The following KIF1B variants were observed in gnomAD, a reference collection of about 807,000 sequenced individuals.
KIF1B encodes the protein kinesin family member 1B, also known as kinesin-like protein KIF1B.
A neutral mutation model predicts 241.9 loss-of-function variants in KIF1B; 76 were observed. The ratio of observed to expected loss-of-function variants is 0.31; its 90% CI spans 0.26 to 0.38. KIF1B has a LOEUF of 0.38. Ranked by LOEUF, KIF1B falls within the 10% of genes least tolerant of loss-of-function variation. The probability of loss-of-function intolerance (pLI) is 1.00; values close to 1 mark genes in which losing one functional copy is unlikely to be tolerated. For missense variants in KIF1B, 1,622 were observed against 2,271.4 expected, an observed-to-expected ratio of 0.71 and a Z score of 5.81; for synonymous variants, 750 against 796.7, an observed-to-expected ratio of 0.94 and a Z score of 0.99.
intron 15 of KIF1B, among the ~76,000 whole-genome samples, chr1:10,287,303 T>G (rs998479543): frequency 2.6e-5 from 4 of 152,124 alleles, no homozygotes; most frequent in Admixed American, 6.5e-5. Context: ...TTCAAGCGAA[T>G]CTCCTGCTTC....
chr1:10,361,088 A>C, intron 39 of KIF1B, 45 bp downstream of exon 39: 1 of 1,229,324 alleles, frequency 8.1e-7, no homozygotes, highest in Non-Finnish European at 1.2e-6. Flanking sequence ...GTCAGCCCTG[A>C]ACAGTGTGCA....
At chr1:10,319,647 T>G (rs1485837936) in intron 22 of KIF1B, among the ~76,000 whole-genome samples, 3 of 152,204 alleles carry the variant, frequency 2.0e-5, no homozygotes, top group Admixed American at 6.5e-5. Flanking sequence ...GAATTTAATC[T>G]TTTTCAATAT....
rs926463283 is a variant in KIF1B at position 10,306,047 on chromosome 1, C to T, written c.2115+8801C>T. 2.8e-5 allele frequency: 29 copies of T among 1,046,776 alleles called. No homozygotes were observed. In the Middle Eastern group the frequency reaches 1.7e-3, roughly 63 times the overall value. The allele number at this position is 1,046,776 out of a possible 1,614,324, so 64.8% of individuals were successfully genotyped here. A position where few individuals can be genotyped will look rare whatever the true frequency, so the allele number is the denominator to read the frequency against. On this transcript the variant is annotated intron_variant, in intron 22 of 48. Transcript: ENST00000676179. Reference sequence around the variant, plus strand: ...TGTGATTATGTTTTTTTTTCCTTTGCGTGTGGGCACTATGCTTTATTAGAA... The same window carrying T: ...TGTGATTATGTTTTTTTTTCCTTTGTGTGTGGGCACTATGCTTTATTAGAA...
Position 10,377,156 on chromosome 1 carries a change from CTT to C in KIF1B, c.*573_*574del, listed in dbSNP as rs1408423061. 8.3e-6 allele frequency: 2 copies of C among 240,160 alleles called. No individual in the cohort carries two copies. Among genetic ancestry groups the C allele is most frequent in the East Asian group, 1.2e-4 (2 of 16,926 alleles). 14.9% of individuals were successfully genotyped at this position (240,160 alleles called of 1,614,324 possible). A position where few individuals can be genotyped will look rare whatever the true frequency, so the allele number is the denominator to read the frequency against. On this transcript the variant is annotated 3_prime_UTR_variant, in exon 49 of 49. Coordinates refer to ENST00000676179, the MANE Select transcript of KIF1B (RefSeq NM_001365951.3). ...AAGAGTCTTTTTTTCCCCTCTGTCT[CTT>C]TTTGCCATGGCTAATCCCTGCATTT... is the stretch of plus-strand genomic sequence containing the variant.
Position 10,378,213 on chromosome 1 carries a change from A to T in KIF1B, c.*1626A>T. On this transcript the variant is annotated 3_prime_UTR_variant, in exon 49 of 49. Coordinates refer to ENST00000676179, the MANE Select transcript of KIF1B (RefSeq NM_001365951.3). ...CACAATATGCCTAGGGGCACGGATG[A>T]ACGTCCAGGGAGCCCGGGCCCCAGG... 1.5e-6 allele frequency: 1 copy of T among 672,850 alleles called. No individual in the cohort carries two copies. Among genetic ancestry groups the T allele is most frequent in the Non-Finnish European group, 2.7e-6 (1 of 367,448 alleles). 41.7% of individuals were successfully genotyped at this position (672,850 alleles called of 1,614,324 possible).
chr1:10,297,778 A>C (rs558414324), intron 22 of KIF1B, among the ~76,000 whole-genome samples: 2 of 151,682 alleles, frequency 1.3e-5, no homozygotes, highest in East Asian at 3.9e-4. Context: ...TATCCCCTGC[A>C]TGGAGTCTGA....
At chr1:10,227,313 G>A (rs1042356006) in intron 1 of KIF1B, among the ~76,000 whole-genome samples, 6 of 152,084 alleles carry the variant, frequency 3.9e-5, no homozygotes, top group Non-Finnish European at 7.4e-5. Flanking sequence ...GATGACAGGC[G>A]TGAGCCACCG....
intron 23 of KIF1B, among the ~76,000 whole-genome samples, chr1:10,321,218 C>T (rs1180280746): frequency 4.0e-5 from 6 of 151,872 alleles, no homozygotes; most frequent in African/African-American, 1.2e-4. Flanking sequence ...ATTCTCATGC[C>T]TCAGCCTCCT....
intron 38 of KIF1B, among the ~76,000 whole-genome samples, chr1:10,359,338 C>T (rs1392335679): frequency 1.3e-5 from 2 of 152,092 alleles, no homozygotes. Flanking sequence ...GTTCTATCTG[C>T]GGAGAACTAG....
chr1:10,370,890 G>A (rs771156065), intron 44 of KIF1B, among the ~76,000 whole-genome samples: 9 of 152,112 alleles, frequency 5.9e-5, no homozygotes, highest in Admixed American at 1.3e-4. Flanking sequence ...TGGAGCCCAG[G>A]AGTTGGAGGC....
At chr1:10,356,914 A>ATAAG (rs1182233823) in intron 38 of KIF1B, among the ~76,000 whole-genome samples, 2 of 151,932 alleles carry the variant, frequency 1.3e-5, no homozygotes, top group Non-Finnish European at 2.9e-5. Context: ...AAATAAATAA[A>ATAAG]TAAATAAATA....
chr1:10,258,399 C>T, intron 3 of KIF1B, 94 bp from the exon 4 acceptor site: 1 of 1,327,778 alleles, frequency 7.5e-7, no homozygotes, highest in Non-Finnish European at 1.1e-6. Context: ...GGTGACTGTT[C>T]TGATTCCAGA....
At chr1:10,346,027 G>C (rs1201318880) in intron 35 of KIF1B, 74 bp downstream of exon 35, 5 of 964,608 alleles carry the variant, frequency 5.2e-6, no homozygotes, top group Non-Finnish European at 8.2e-6. Flanking sequence ...GAATCTTCTT[G>C]TATTTGGGTT....
intron 44 of KIF1B, among the ~76,000 whole-genome samples, chr1:10,369,018 T>A (rs542821667): frequency 1.9e-4 from 29 of 152,296 alleles, no homozygotes; most frequent in Non-Finnish European, 3.5e-4. Context: ...ACCTACTATT[T>A]CTTTGCCTGG....
At chr1:10,335,425 A>G (rs987913318) in intron 28 of KIF1B, among the ~76,000 whole-genome samples, 3 of 152,030 alleles carry the variant, frequency 2.0e-5, no homozygotes, top group African/African-American at 7.2e-5. Context: ...GGTAATTTTT[A>G]TATTTTTAGT....
intron 22 of KIF1B, chr1:10,307,918 C>T (rs1650906591): frequency 9.5e-7 from 1 of 1,050,834 alleles, no homozygotes; most frequent in South Asian, 4.6e-5. Context: ...TTCCTTCTAG[C>T]CCAGTGAATT....
intron 1 of KIF1B, among the ~76,000 whole-genome samples, chr1:10,228,093 G>A (rs999706765): frequency 4.0e-5 from 6 of 151,694 alleles, no homozygotes; most frequent in African/African-American, 1.5e-4. Flanking sequence ...GCTGAGGCAG[G>A]AGAATTGCTT....
intron 37 of KIF1B, among the ~76,000 whole-genome samples, chr1:10,351,618 G>A (rs1050951488): frequency 2.6e-5 from 4 of 152,132 alleles, no homozygotes; most frequent in African/African-American, 7.2e-5. Context: ...TGCTGCATCC[G>A]CTAGTGTTAA....
At chr1:10,232,691 T>A (rs1443971363) in intron 2 of KIF1B, among the ~76,000 whole-genome samples, 1 of 152,180 alleles carries the variant, frequency 6.6e-6, no homozygotes, top group Admixed American at 6.6e-5. Flanking sequence ...GCTTATTAAG[T>A]TGAAATTTTA....
Sources: allele counts gnomAD v4.1 joint callset (sites outside exome capture counted in the v4.1 genomes callset), GRCh38; gene constraint gnomAD v4.1.1; transcripts MANE v1.5; gene names NCBI Gene and HGNC (gene_info 2026-07-23, HGNC 2026-07-21).